Variants in APBA2 observed in about 807,000 individuals in gnomAD.
APBA2 encodes the protein amyloid-beta A4 precursor protein-binding family A member 2.
In APBA2, 30 loss-of-function variants were observed where a neutral mutation model predicts 75.0. The observed-to-expected ratio is 0.40, with a 90% CI of 0.30 to 0.54. The LOEUF is 0.54. Among genes scored for constraint, APBA2 ranks in the 20% least tolerant of loss-of-function variants. APBA2 has a pLI of 0.49. For missense variants in APBA2, 801 were observed against 1,016.1 expected, an observed-to-expected ratio of 0.79 and a Z score of 2.88; for synonymous variants, 444 against 409.6, an observed-to-expected ratio of 1.08 and a Z score of -1.01.
intron 3 of APBA2, among the ~76,000 whole-genome samples, chr15:29,013,273 C>CTTTTTTTTTT (rs560518234): frequency 1.2e-5 from 1 of 85,848 alleles, no homozygotes. Context: ...ATGAGTCATT[C>CTTTTTTTTTT]TTTTTTTTTT....
intron 1 of APBA2, among the ~76,000 whole-genome samples, chr15:28,917,449 A>G (rs2152662363): frequency 6.6e-6 from 1 of 152,246 alleles, no homozygotes; most frequent in Middle Eastern, 3.4e-3. Context: ...ATGGTATCCC[A>G]TTCTCACATT....
At chr15:28,928,419 T>C (rs918485355) in intron 2 of APBA2, among the ~76,000 whole-genome samples, 9 of 152,130 alleles carry the variant, frequency 5.9e-5, no homozygotes, top group African/African-American at 1.9e-4. Flanking sequence ...CGTGCAGCTC[T>C]CCCAGCTTTC....
intron 3 of APBA2, among the ~76,000 whole-genome samples, chr15:29,028,818 G>T (rs554099553): frequency 1.3e-3 from 197 of 152,126 alleles, no homozygotes; most frequent in Non-Finnish European, 2.5e-3. Flanking sequence ...TTTGAGAAGT[G>T]TCTGTTCATG....
chr15:29,056,502 A>G (rs560008673), intron 4 of APBA2, among the ~76,000 whole-genome samples: 10 of 151,364 alleles, frequency 6.6e-5, no homozygotes, highest in African/African-American at 1.9e-4. Context: ...TAATGATTGT[A>G]TAGCTTTTGT....
At chr15:28,915,215 A>C (rs2033629194) in intron 1 of APBA2, among the ~76,000 whole-genome samples, 58 of 94,104 alleles carry the variant, frequency 6.2e-4, no homozygotes, top group East Asian at 9.7e-4. Flanking sequence ...TAGCGCATAC[A>C]CACCACATAC....
At chr15:29,076,198 G>A (rs569210374) in intron 6 of APBA2, 107 bp downstream of exon 6, 1 of 1,223,324 alleles carries the variant, frequency 8.2e-7, no homozygotes, top group South Asian at 1.2e-5. Context: ...TACAAAGCGT[G>A]CCTACCTACC....
chr15:28,999,789 A>G (rs754285904), intron 3 of APBA2, among the ~76,000 whole-genome samples: 7 of 152,336 alleles, frequency 4.6e-5, no homozygotes, highest in South Asian at 2.1e-4. Flanking sequence ...GTCAATTGAT[A>G]TAAGGTATTG....
chr15:29,033,514 C>T (rs1230676982), intron 3 of APBA2, among the ~76,000 whole-genome samples: 2 of 152,080 alleles, frequency 1.3e-5, no homozygotes, highest in Admixed American at 1.3e-4. Flanking sequence ...GTCCTCAGGC[C>T]CATCCTTACT....
intron 12 of APBA2, among the ~76,000 whole-genome samples, chr15:29,107,322 G>A (rs922047740): frequency 2.0e-5 from 3 of 152,156 alleles, no homozygotes; most frequent in African/African-American, 7.2e-5. Context: ...GCTGCCTGTC[G>A]CTGTGAGGGG....
rs527322065 is a variant in APBA2, at chr15:29,021,398, C to T, written c.-41+25592C>T. ...CAAAAATTAGCTGGGCATGGTGGCGCGCGCCTGTAGTGCCAGCTACTCGGG... is the reference window on the plus strand; with the variant it reads ...CAAAAATTAGCTGGGCATGGTGGCGTGCGCCTGTAGTGCCAGCTACTCGGG... On this transcript the variant is annotated intron_variant, in intron 3 of 14. Transcript: ENST00000683413. 1.4e-3 allele frequency among the ~76,000 whole-genome samples: 216 copies of T among 151,976 alleles called. 1 individual carries two copies. The highest frequency in any genetic ancestry group is 6.8e-3 in the Middle Eastern group (2 of 294).
chr15:29,002,859 C>T (rs1309896883), intron 3 of APBA2, among the ~76,000 whole-genome samples: 2 of 151,970 alleles, frequency 1.3e-5, no homozygotes, highest in Non-Finnish European at 2.9e-5. Flanking sequence ...GGAGGGCGGA[C>T]TCATCAGTCC....
chr15:29,047,454 CTTCA>C (rs1369165861), intron 3 of APBA2, among the ~76,000 whole-genome samples: 1 of 152,222 alleles, frequency 6.6e-6, no homozygotes, highest in Non-Finnish European at 1.5e-5. Flanking sequence ...CCAATCCTAT[CTTCA>C]TTTACAATTT....
At chr15:28,963,293 G>A (rs1029138514) in intron 2 of APBA2, among the ~76,000 whole-genome samples, 1 of 152,238 alleles carries the variant, frequency 6.6e-6, no homozygotes, top group African/African-American at 2.4e-5. Context: ...TAACTCAGGT[G>A]CTTTAGGAAT....
chr15:29,024,702 G>T (rs1595757122), intron 3 of APBA2, among the ~76,000 whole-genome samples: 4 of 152,332 alleles, frequency 2.6e-5, no homozygotes, highest in Admixed American at 2.6e-4. Flanking sequence ...CATAGGACGA[G>T]AATTTTTCTT....
Position 29,036,563 on chromosome 15 carries a change from G to T in APBA2, c.-40-17282G>T, listed in dbSNP as rs570091420. On this transcript the variant is annotated intron_variant, in intron 3 of 14. Coordinates refer to ENST00000683413, the MANE Select transcript of APBA2 (RefSeq NM_001353788.2). ...GATATGGGGCCTCCCCACTGGACTG[G>T]GGAACTGTGTATGAGGGTTTGGGGT... Among the ~76,000 whole-genome samples the T allele has an allele frequency of 1.0e-3, 158 of 152,262 alleles. 1 individual carries two copies. The highest frequency in any genetic ancestry group is 3.6e-3 in the African/African-American group (151 of 41,550).
chr15:28,942,748 C>T (rs1384956458), intron 2 of APBA2, among the ~76,000 whole-genome samples: 4 of 152,194 alleles, frequency 2.6e-5, no homozygotes, highest in East Asian at 3.9e-4. Context: ...CCCGAGTGAG[C>T]GTCTGTTGGA....
intron 6 of APBA2, 97 bp downstream of exon 6, chr15:29,076,188 T>G: frequency 1.5e-6 from 2 of 1,319,996 alleles, no homozygotes; most frequent in Non-Finnish European, 2.2e-6. Flanking sequence ...AAAGCTTGTT[T>G]ACAAAGCGTG....
At chr15:29,091,075 G>A (rs1032851735) in intron 6 of APBA2, among the ~76,000 whole-genome samples, 8 of 152,214 alleles carry the variant, frequency 5.3e-5, no homozygotes, top group South Asian at 2.1e-4. Flanking sequence ...GGAGAATCCC[G>A]GTGTACCCTC....
At chr15:29,116,205 C>T (rs1025384756) in intron 14 of APBA2, among the ~76,000 whole-genome samples, 1 of 152,180 alleles carries the variant, frequency 6.6e-6, no homozygotes, top group Non-Finnish European at 1.5e-5. Flanking sequence ...GGAGTCAGGG[C>T]TCGAGGCCAG....
Sources: allele counts gnomAD v4.1 joint callset (sites outside exome capture counted in the v4.1 genomes callset), GRCh38; gene constraint gnomAD v4.1.1; transcripts MANE v1.5; gene names NCBI Gene and HGNC (gene_info 2026-07-23, HGNC 2026-07-21).